Variants in RBFOX3 observed in about 807,000 individuals in gnomAD.
RBFOX3 encodes the protein RNA binding protein fox-1 homolog 3.
In RBFOX3, 17 loss-of-function variants were observed where a neutral mutation model predicts 48.7. The ratio of observed to expected loss-of-function variants is 0.35; its 90% CI spans 0.24 to 0.52. The LOEUF (loss-of-function observed/expected upper bound fraction) is 0.52, where lower values mean the gene tolerates loss of function less well. Ranked by LOEUF, RBFOX3 falls within the 20% of genes least tolerant of loss-of-function variation. RBFOX3 has a pLI of 0.94. For missense variants in RBFOX3, 382 were observed against 497.5 expected, an observed-to-expected ratio of 0.77 and a Z score of 2.21; for synonymous variants, 212 against 209.5, an observed-to-expected ratio of 1.01 and a Z score of -0.10.
At chr17:79,097,001 C>T (rs978111438) in intron 11 of RBFOX3, among the ~76,000 whole-genome samples, 168 bp from the exon 12 acceptor site, 1 of 152,118 alleles carries the variant, frequency 6.6e-6, no homozygotes, top group Non-Finnish European at 1.5e-5. Context: ...CAGAGAAGCC[C>T]CTCGCTGACC....
At position 79,533,021 on chromosome 17, in the gene RBFOX3, C is replaced by T. The variant is rs561847838; in HGVS notation, c.-319-50423G>A. ...TTCCTCCAATGACAGAAAGACGCAGCGCTTGTCCTGTCTCAAGTGCCAGGC... is the reference window on the plus strand; with the variant it reads ...TTCCTCCAATGACAGAAAGACGCAGTGCTTGTCCTGTCTCAAGTGCCAGGC... On this transcript the variant is annotated intron_variant, in intron 1 of 14. Coordinates refer to ENST00000693108, the MANE Select transcript of RBFOX3 (RefSeq NM_001350451.2). Among the ~76,000 whole-genome samples the T allele has an allele frequency of 2.7e-4, 41 of 152,360 alleles. No individual in the cohort carries two copies. The South Asian group carries it at 7.7e-3, about 28-fold the overall frequency.
In RBFOX3 at chr17:79,481,492, G is replaced by A. The variant is rs369152462; in HGVS notation, c.-175+962C>T. On this transcript the variant is annotated intron_variant, in intron 2 of 14. Coordinates refer to ENST00000693108, the MANE Select transcript of RBFOX3 (RefSeq NM_001350451.2). This position sits in a 1 kb window ranked among gnomAD's most constrained non-coding sequence, Gnocchi z 5.4. ...TAAAAAGCCACTCCTGACCACACCTGACCGTGTGCTGACCTGGCAACTCAC... is the reference window on the plus strand; with the variant it reads ...TAAAAAGCCACTCCTGACCACACCTAACCGTGTGCTGACCTGGCAACTCAC... Among the ~76,000 whole-genome samples, 1 of 152,160 alleles carries A rather than the reference G, an allele frequency of 6.6e-6. No individual in the cohort carries two copies. The highest frequency in any genetic ancestry group is 2.4e-5 in the African/African-American group (1 of 41,404).
At chr17:79,179,475 G>A (rs756370328) in intron 4 of RBFOX3, among the ~76,000 whole-genome samples, 9 of 152,072 alleles carry the variant, frequency 5.9e-5, no homozygotes, top group East Asian at 1.9e-4. Flanking sequence ...CGGAATTCAC[G>A]ACGCGTCCCC....
chr17:79,311,656 G>A lies in RBFOX3; in HGVS notation c.-174-3832C>T, dbSNP rs1483882899. ...ACTTTGTTTACCTGGAGAACTCTGA[G>A]TCAGGCCCTCTGGGGTCTCTCGCAG... On this transcript the variant is annotated intron_variant, in intron 2 of 14. Coordinates refer to ENST00000693108, the MANE Select transcript of RBFOX3 (RefSeq NM_001350451.2). This position sits in a 1 kb window ranked among gnomAD's most constrained non-coding sequence, Gnocchi z 4.2. Among the ~76,000 whole-genome samples, 1 of 152,144 alleles carries A rather than the reference G, an allele frequency of 6.6e-6. No individual in the cohort carries two copies. The highest frequency in any genetic ancestry group is 1.5e-5 in the Non-Finnish European group (1 of 68,040).
rs528663148 is a variant in RBFOX3, at chr17:79,330,906, G to A, written c.-174-23082C>T. Among the ~76,000 whole-genome samples the A allele has an allele frequency of 2.3e-3, 351 of 152,242 alleles. 1 individual carries two copies. Among genetic ancestry groups the A allele is most frequent in the Non-Finnish European group, 4.0e-3 (273 of 68,026 alleles). Reference sequence around the variant, plus strand: ...GCTCTGACAGCCTGGGGCAGCCGTCGGCCACGTCTCGCTGTGTTCTGACAC... The same window carrying A: ...GCTCTGACAGCCTGGGGCAGCCGTCAGCCACGTCTCGCTGTGTTCTGACAC... On this transcript the variant is annotated intron_variant, in intron 2 of 14. Transcript: ENST00000693108.
At chr17:79,283,522 G>C (rs954528085) in intron 3 of RBFOX3, among the ~76,000 whole-genome samples, 3 of 150,106 alleles carry the variant, frequency 2.0e-5, no homozygotes, top group Non-Finnish European at 2.9e-5. Flanking sequence ...GCCCGCCTCG[G>C]CCTCCCAAAG....
rs1286463619 is a variant in RBFOX3, at chr17:79,479,156, C to T, written c.-175+3298G>A. Reference sequence around the variant, plus strand: ...TGTTCTCCAAGTCCCTCTTAGGAAGCCCCTTCCTCTAGTCACATTCCTTTG... The same window carrying T: ...TGTTCTCCAAGTCCCTCTTAGGAAGTCCCTTCCTCTAGTCACATTCCTTTG... On this transcript the variant is annotated intron_variant, in intron 2 of 14. Transcript: ENST00000693108. This position sits in a 1 kb window ranked among gnomAD's most constrained non-coding sequence, Gnocchi z 5.1. Among the ~76,000 whole-genome samples the T allele has an allele frequency of 6.6e-6, 1 of 152,254 alleles. No homozygotes were observed. Among genetic ancestry groups the T allele is most frequent in the Non-Finnish European group, 1.5e-5 (1 of 68,042 alleles).
At chr17:79,168,481 C>T (rs2048471918) in intron 4 of RBFOX3, among the ~76,000 whole-genome samples, 1 of 152,360 alleles carries the variant, frequency 6.6e-6, no homozygotes, top group Admixed American at 6.5e-5. Flanking sequence ...AGAAGAGGCC[C>T]GTGCCCAAGG....
At chr17:79,486,319 G>A (rs112428607) in intron 1 of RBFOX3, among the ~76,000 whole-genome samples, 2 of 152,274 alleles carry the variant, frequency 1.3e-5, no homozygotes, top group Middle Eastern at 3.4e-3. Flanking sequence ...AGTCTGTCTC[G>A]GGAGTGAGCT....
intron 2 of RBFOX3, among the ~76,000 whole-genome samples, chr17:79,316,446 T>C (rs2077555921): frequency 6.6e-6 from 1 of 152,208 alleles, no homozygotes; most frequent in African/African-American, 2.4e-5. Flanking sequence ...GCAGGGGCGA[T>C]GGCTCCCACC....
the RBFOX3 span, among the ~76,000 whole-genome samples, chr17:79,635,326 G>A: frequency 6.6e-6 from 1 of 152,182 alleles, no homozygotes; most frequent in East Asian, 1.9e-4. Flanking sequence ...AAGGCATCAC[G>A]TGGCAACCTG....
intron 1 of RBFOX3, among the ~76,000 whole-genome samples, chr17:79,553,311 G>A (rs1250690691): frequency 1.3e-5 from 2 of 152,138 alleles, no homozygotes; most frequent in Admixed American, 6.6e-5. Flanking sequence ...TGCATTGCTA[G>A]AATAAACTCC....
chr17:79,390,166 G>A lies in RBFOX3; in HGVS notation c.-174-82342C>T, dbSNP rs1443647677. ...GAGGACCAGCAGCAGTGAAGGGCAAGTCCACAGAGTTCTGAGGTGTCCAAC... is the reference window on the plus strand; with the variant it reads ...GAGGACCAGCAGCAGTGAAGGGCAAATCCACAGAGTTCTGAGGTGTCCAAC... On this transcript the variant is annotated intron_variant, in intron 2 of 14. Transcript: ENST00000693108. The surrounding 1 kb of genome is among the most constrained non-coding windows in gnomAD (Gnocchi z 4.2). Among the ~76,000 whole-genome samples, 1 of 152,254 alleles carries A rather than the reference G, an allele frequency of 6.6e-6. No homozygotes were observed. Among genetic ancestry groups the A allele is most frequent in the Non-Finnish European group, 1.5e-5 (1 of 68,042 alleles).
At chr17:79,538,110 C>T (rs782683974) in intron 1 of RBFOX3, among the ~76,000 whole-genome samples, 4 of 152,234 alleles carry the variant, frequency 2.6e-5, no homozygotes, top group Non-Finnish European at 5.9e-5. Context: ...GGCTATCCTT[C>T]TGCTATTCAG....
intron 2 of RBFOX3, among the ~76,000 whole-genome samples, chr17:79,405,542 G>C (rs1192818862): frequency 6.6e-6 from 1 of 152,042 alleles, no homozygotes; most frequent in Non-Finnish European, 1.5e-5. Flanking sequence ...GCAACATGGC[G>C]AAACCCTGTC....
intron 1 of RBFOX3, among the ~76,000 whole-genome samples, chr17:79,522,030 G>A (rs1168103409): frequency 5.3e-5 from 8 of 152,286 alleles, no homozygotes; most frequent in Middle Eastern, 3.4e-3. Context: ...ACCTTCACCC[G>A]ACGGAATCTT....
intron 1 of RBFOX3, among the ~76,000 whole-genome samples, chr17:79,555,002 A>G (rs2143816371): frequency 6.6e-6 from 1 of 152,224 alleles, no homozygotes; most frequent in East Asian, 1.9e-4. Flanking sequence ...CCTGAGGGGA[A>G]CAAAGAGGGT....
At chr17:79,245,658 A>C (rs12603816) in intron 3 of RBFOX3, among the ~76,000 whole-genome samples, 53,461 of 142,938 alleles carry the variant, frequency 0.37, 9,961 homozygotes, top group Middle Eastern at 0.53. Flanking sequence ...TGAGACACCT[A>C]ACTCTGTCGC....
intron 4 of RBFOX3, among the ~76,000 whole-genome samples, chr17:79,213,658 G>A (rs2058659670): frequency 6.6e-6 from 1 of 152,150 alleles, no homozygotes; most frequent in Non-Finnish European, 1.5e-5. Flanking sequence ...CCTTCCCCGG[G>A]GACTGCGACC....
Sources: allele counts gnomAD v4.1 joint callset (sites outside exome capture counted in the v4.1 genomes callset), GRCh38; gene constraint gnomAD v4.1.1; non-coding constraint Gnocchi (gnomAD v3.1); transcripts MANE v1.5; gene names NCBI Gene and HGNC (gene_info 2026-07-23, HGNC 2026-07-21).